TPRG1: variants seen among roughly 807,000 people sequenced by gnomAD.
The protein encoded by TPRG1 is tumor protein p63-regulated gene 1 protein.
TPRG1 carries 29 observed loss-of-function variants against 29.3 expected under a neutral mutation model. The ratio of observed to expected loss-of-function variants is 0.99; its 90% confidence interval spans 0.74 to 1.35. The LOEUF is 1.35. TPRG1 is among the 40% of genes most tolerant of loss of function. The probability of loss-of-function intolerance (pLI) is 0.00; values close to 1 mark genes in which losing one functional copy is unlikely to be tolerated. For missense variants in TPRG1, 327 were observed against 335.0 expected (o/e 0.98, Z 0.19); for synonymous variants, 130 against 116.8 (o/e 1.11, Z -0.73).
At chr3:189,067,796 A>G (rs1401257230) in intron 4 of TPRG1, among the ~76,000 whole-genome samples, 1 of 152,218 alleles carries the variant, frequency 6.6e-6, no homozygotes, top group Non-Finnish European at 1.5e-5. Context: ...CCATAAGCAC[A>G]GGTAGTCAAA....
At chr3:189,002,582 T>C (rs1029076355) in intron 2 of TPRG1, among the ~76,000 whole-genome samples, 4 of 152,140 alleles carry the variant, frequency 2.6e-5, no homozygotes, top group Non-Finnish European at 5.9e-5. Context: ...AACCTTTATA[T>C]GCAGCATCCC....
chr3:189,225,748 T>C (rs1737631217), intron 3 of TPRG1, among the ~76,000 whole-genome samples: 1 of 152,104 alleles, frequency 6.6e-6, no homozygotes, highest in Admixed American at 6.6e-5. Context: ...GAAGAGCACG[T>C]AGAGCAAGAA....
chr3:189,039,810 G>C (rs1181258451), intron 4 of TPRG1, among the ~76,000 whole-genome samples: 1 of 151,078 alleles, frequency 6.6e-6, no homozygotes, highest in Non-Finnish European at 1.5e-5. Context: ...CCTTGGAAAG[G>C]AGATCATTCT....
intron 3 of TPRG1, among the ~76,000 whole-genome samples, chr3:189,141,643 C>T (rs981964919): frequency 1.3e-5 from 2 of 152,158 alleles, no homozygotes; most frequent in Non-Finnish European, 2.9e-5. Context: ...GCTCTGAGCA[C>T]TTTGAGAAGA....
In TPRG1 at chr3:189,157,382, T is replaced by C. The variant is rs917654435; in HGVS notation, c.-10+6510T>C. On this transcript the variant is annotated intron_variant, in intron 5 of 6. Transcript: ENST00000412373. ...CCTTACTTCTATTCCGAGTGGCCAA[T>C]GACTCACATGTCCACGGGACTGAGC... Among the ~76,000 whole-genome samples the C allele has an allele frequency of 1.8e-4, 28 of 151,884 alleles. 1 individual carries two copies. Among genetic ancestry groups the C allele is most frequent in the African/African-American group, 6.8e-4 (28 of 41,172 alleles).
At chr3:189,282,761 A>T (rs191824575) in intron 4 of TPRG1, among the ~76,000 whole-genome samples, 3 of 152,338 alleles carry the variant, frequency 2.0e-5, no homozygotes, top group Non-Finnish European at 1.5e-5. Context: ...CAATCCACTA[A>T]GCAAATCACT....
chr3:189,085,036 C>T (rs1257479483), intron 4 of TPRG1, among the ~76,000 whole-genome samples: 1 of 152,196 alleles, frequency 6.6e-6, no homozygotes, highest in Non-Finnish European at 1.5e-5. Context: ...TGCAGCAGTC[C>T]TCTAAGAAAA....
chr3:189,042,804 G>A (rs1468993248), intron 4 of TPRG1, among the ~76,000 whole-genome samples: 1 of 152,134 alleles, frequency 6.6e-6, no homozygotes, highest in African/African-American at 2.4e-5. Context: ...CTAAGGCTGG[G>A]AGGAACCTTA....
chr3:189,019,674 G>T (rs974752734), intron 3 of TPRG1, among the ~76,000 whole-genome samples: 1 of 151,976 alleles, frequency 6.6e-6, no homozygotes, highest in Non-Finnish European at 1.5e-5. Flanking sequence ...GTTCATCAAG[G>T]ATATTGGTCT....
chr3:189,264,294 C>G (rs1383142619), intron 4 of TPRG1, among the ~76,000 whole-genome samples: 1 of 152,106 alleles, frequency 6.6e-6, no homozygotes, highest in South Asian at 2.1e-4. Flanking sequence ...ATAAGAAGCC[C>G]TTGTCAGCAA....
At chr3:189,047,770 A>G (rs1318446451) in intron 4 of TPRG1, among the ~76,000 whole-genome samples, 1 of 152,184 alleles carries the variant, frequency 6.6e-6, no homozygotes, top group Non-Finnish European at 1.5e-5. Flanking sequence ...TCAAGAAACA[A>G]CTTTCTTTGC....
intron 4 of TPRG1, among the ~76,000 whole-genome samples, chr3:189,092,859 C>T (rs954156454): frequency 2.6e-5 from 4 of 152,078 alleles, no homozygotes; most frequent in African/African-American, 4.8e-5. Flanking sequence ...GTGCTACACA[C>T]GTATTAACTT....
At chr3:189,119,148 G>C (rs753927945) in intron 1 of TPRG1, among the ~76,000 whole-genome samples, 1 of 152,242 alleles carries the variant, frequency 6.6e-6, no homozygotes, top group African/African-American at 2.4e-5. Context: ...TGACGTGGAT[G>C]TGAGTCATGG....
At chr3:189,317,984 T>G (rs551858264) in intron 5 of TPRG1, among the ~76,000 whole-genome samples, 1 of 152,274 alleles carries the variant, frequency 6.6e-6, no homozygotes, top group Admixed American at 6.5e-5. Context: ...CACACTTGAA[T>G]TTATAGTCAC....
intron 4 of TPRG1, among the ~76,000 whole-genome samples, chr3:189,086,046 A>T (rs1236422714): frequency 6.6e-6 from 1 of 152,178 alleles, no homozygotes; most frequent in African/African-American, 2.4e-5. Context: ...CAACGAAGTC[A>T]GTCTGAGTCC....
At chr3:189,249,307 A>T (rs1305812583) in intron 4 of TPRG1, among the ~76,000 whole-genome samples, 1 of 151,890 alleles carries the variant, frequency 6.6e-6, no homozygotes, top group Admixed American at 6.6e-5. Flanking sequence ...ATAGATGTTG[A>T]ATCTTTAGAT....
At chr3:189,188,702 A>G (rs1296061097) in intron 1 of TPRG1, among the ~76,000 whole-genome samples, 1 of 152,166 alleles carries the variant, frequency 6.6e-6, no homozygotes, top group Non-Finnish European at 1.5e-5. Context: ...TATAATTTAC[A>G]TAACAGGTTT....
chr3:189,162,549 T>C (rs1327356442), intron 5 of TPRG1, among the ~76,000 whole-genome samples: 1 of 152,202 alleles, frequency 6.6e-6, no homozygotes, highest in East Asian at 1.9e-4. Flanking sequence ...AATGAGTTGG[T>C]ATCAGAATTT....
At chr3:189,066,202 G>C (rs1716434084) in intron 4 of TPRG1, among the ~76,000 whole-genome samples, 1 of 151,958 alleles carries the variant, frequency 6.6e-6, no homozygotes, top group African/African-American at 2.4e-5. Flanking sequence ...GGAAACCCTG[G>C]GACCCAATTG....
Sources: gnomAD v4.1 joint callset for allele counts (sites outside exome capture counted in the v4.1 genomes callset) on GRCh38, gnomAD v4.1.1 for gene constraint, MANE v1.5 for transcripts, NCBI Gene and HGNC (gene_info 2026-07-23, HGNC 2026-07-21) for gene names.